Variants in DNAH14 observed in about 807,000 individuals in gnomAD.
DNAH14 encodes dynein axonemal heavy chain 14, also known as axonemal beta dynein heavy chain 14.
A neutral mutation model predicts 520.9 loss-of-function variants in DNAH14; 478 were observed. The observed-to-expected ratio is 0.92, with a 90% confidence interval of 0.85 to 0.99. The LOEUF is 0.99. DNAH14 is among the 50% of genes least tolerant of loss of function. The pLI is 0.00. For synonymous variants in DNAH14, 1,581 were observed against 1,757.2 expected (o/e 0.90, Z 2.51); for missense variants, 4,831 against 5,234.5 (o/e 0.92, Z 2.38).
intron 73 of DNAH14, chr1:225,354,185 T>C (rs1354779561): frequency 2.8e-6 from 2 of 701,990 alleles, no homozygotes; most frequent in South Asian, 1.5e-5. Flanking sequence ...ACATACTTTC[T>C]GCCTGCTTCT....
chr1:225,111,575 T>C (rs951046340), intron 23 of DNAH14, among the ~76,000 whole-genome samples: 3 of 152,058 alleles, frequency 2.0e-5, no homozygotes, highest in African/African-American at 4.8e-5. Context: ...TCTTTTTTTT[T>C]AATCTATTCA....
intron 23 of DNAH14, among the ~76,000 whole-genome samples, chr1:225,105,654 C>A (rs879259158): frequency 2.0e-5 from 3 of 152,066 alleles, no homozygotes; most frequent in African/African-American, 4.8e-5. Flanking sequence ...CCTTCTTTGT[C>A]TCCTTTGATC....
intron 1 of DNAH14, among the ~76,000 whole-genome samples, chr1:224,948,590 G>A (rs2059986256): frequency 6.6e-6 from 1 of 151,486 alleles, no homozygotes; most frequent in Non-Finnish European, 1.5e-5. Flanking sequence ...ATTTATTTCT[G>A]CCACTTTATT....
chr1:224,976,849 A>G (rs919765178), intron 8 of DNAH14, among the ~76,000 whole-genome samples: 11 of 151,908 alleles, frequency 7.2e-5, no homozygotes, highest in Admixed American at 7.2e-4. Context: ...CAGGTGCTAG[A>G]GAGGATGTGG....
intron 37 of DNAH14, among the ~76,000 whole-genome samples, chr1:225,188,085 C>G (rs536074486): frequency 1.3e-5 from 2 of 151,940 alleles, no homozygotes; most frequent in African/African-American, 4.8e-5. Flanking sequence ...TTTCATTGTT[C>G]TATATGTCTT....
intron 10 of DNAH14, among the ~76,000 whole-genome samples, chr1:225,014,128 A>G (rs896083036): frequency 2.0e-5 from 3 of 152,144 alleles, no homozygotes; most frequent in African/African-American, 4.8e-5. Flanking sequence ...TGCCAAGACC[A>G]TGGGAAAAGT....
chr1:225,229,769 G>C (rs2090920282), intron 41 of DNAH14, among the ~76,000 whole-genome samples: 1 of 151,996 alleles, frequency 6.6e-6, no homozygotes, highest in Admixed American at 6.6e-5. Context: ...GCCTGTCAGG[G>C]GTGGGGGTCA....
At chr1:225,305,813 A>G (rs2094228753) in intron 58 of DNAH14, among the ~76,000 whole-genome samples, 1 of 152,174 alleles carries the variant, frequency 6.6e-6, no homozygotes, top group Admixed American at 6.6e-5. Context: ...CCAGCTAATA[A>G]TTGTTTTTTA....
intron 35 of DNAH14, among the ~76,000 whole-genome samples, chr1:225,163,997 AAAT>A (rs1281366846): frequency 1.3e-5 from 2 of 152,186 alleles, no homozygotes; most frequent in Non-Finnish European, 2.9e-5. Flanking sequence ...GTATGCTAAA[AAAT>A]AATATGTTCT....
At chr1:225,115,568 A>G (rs540850597) in intron 23 of DNAH14, among the ~76,000 whole-genome samples, 2 of 152,300 alleles carry the variant, frequency 1.3e-5, no homozygotes, top group East Asian at 1.9e-4. Flanking sequence ...CAAAACAACT[A>G]TAGGCAATCA....
At chr1:225,013,053 G>T (rs2501122) in intron 10 of DNAH14, among the ~76,000 whole-genome samples, 137,620 of 152,192 alleles carry the variant, frequency 0.9, 63,776 homozygotes, top group East Asian at 1. Flanking sequence ...TTCTGGTTTT[G>T]GGAATTTTCA....
Position 225,324,340 on chromosome 1 carries a change from A to G in DNAH14, c.9614A>G (p.His3205Arg). The G allele has an allele frequency of 1.3e-6, 2 of 1,551,944 alleles. No individual in the cohort carries two copies. The highest frequency in any genetic ancestry group is 1.7e-6 in the Non-Finnish European group (2 of 1,147,036). ...CQWVIALNNY[H>R]EVQKVVGPKQ... ...TGGGTTATAGCTTTGAATAACTACC[A>G]TGAAGTACAGAAGGTATGCTTTTCC... is the stretch of plus-strand genomic sequence containing the variant. Residue 3205 changes from histidine (H) to arginine (R), a missense_variant, in exon 63 of 86, where the codon CAT becomes CGT. Physicochemically the swap from His to Arg is conservative, Grantham distance 29 (BLOSUM62 0). Transcript: ENST00000682510.
intron 82 of DNAH14, among the ~76,000 whole-genome samples, chr1:225,389,474 G>A (rs369025693): frequency 1.3e-5 from 2 of 152,204 alleles, no homozygotes; most frequent in Non-Finnish European, 2.9e-5. Context: ...AAGATTCTGC[G>A]AGGCGCAGGC....
intron 41 of DNAH14, among the ~76,000 whole-genome samples, chr1:225,216,077 G>T (rs998198460): frequency 1.3e-5 from 2 of 152,180 alleles, no homozygotes; most frequent in African/African-American, 4.8e-5. Context: ...AGGAGCTCTT[G>T]TAAGGCAGGC....
intron 84 of DNAH14, 52 bp downstream of exon 84, chr1:225,392,503 A>T (rs1434482466): frequency 6.5e-7 from 1 of 1,541,216 alleles, no homozygotes; most frequent in Non-Finnish European, 8.8e-7. Context: ...TCATTCATTT[A>T]TTCATTCAAT....
In DNAH14 at chr1:225,319,627, A is replaced by G. The variant is rs150208051; in HGVS notation, c.9335+950A>G. The stretch of plus-strand genomic sequence containing the variant: ...AGAGAAACAAGCAAGAGAAGGAGGG[A>G]GAATTCTTGACTTCTTTTTCTTTCA... On this transcript the variant is annotated intron_variant, in intron 61 of 85. Coordinates refer to ENST00000682510, the MANE Select transcript of DNAH14 (RefSeq NM_001367479.1). 5.1e-4 allele frequency among the ~76,000 whole-genome samples: 78 copies of G among 152,284 alleles called. No individual in the cohort carries two copies. In the East Asian group the frequency reaches 9.3e-3, roughly 18 times the overall value.
intron 16 of DNAH14, 82 bp from the exon 17 acceptor site, chr1:225,051,369 G>T: frequency 9.8e-7 from 1 of 1,025,396 alleles, no homozygotes. Context: ...ATTTTATTTT[G>T]TCAGAAACTA....
chr1:225,207,959 G>A (rs931934364), intron 41 of DNAH14, among the ~76,000 whole-genome samples: 1 of 152,128 alleles, frequency 6.6e-6, no homozygotes, highest in African/African-American at 2.4e-5. Context: ...TCCTTTGCCA[G>A]TTAGTACACC....
At chr1:224,953,594 A>G (rs2060320873) in intron 2 of DNAH14, among the ~76,000 whole-genome samples, 1 of 152,216 alleles carries the variant, frequency 6.6e-6, no homozygotes, top group South Asian at 2.1e-4. Flanking sequence ...TGTAGAAACA[A>G]GGATACACAA....
Sources: allele counts gnomAD v4.1 joint callset (sites outside exome capture counted in the v4.1 genomes callset), GRCh38; gene constraint gnomAD v4.1.1; transcripts MANE v1.5; gene names NCBI Gene and HGNC (gene_info 2026-07-23, HGNC 2026-07-21).